NBPF9: variants seen among roughly 807,000 people sequenced by gnomAD.
NBPF9 encodes NBPF family member NBPF9.
NBPF9 carries 91 observed loss-of-function variants against 97.8 expected under a neutral mutation model. That is an observed-to-expected ratio of 0.93 (90% CI 0.79 to 1.11). The LOEUF is 1.11. Ranked by LOEUF, NBPF9 falls within the 50% of genes least tolerant of loss-of-function variation. The pLI, the probability that NBPF9 is intolerant of heterozygous loss-of-function variation, is 0.00. For missense variants in NBPF9, 992 were observed against 939.5 expected (o/e 1.06, Z -0.73); for synonymous variants, 334 against 359.5 (o/e 0.93, Z 0.80).
downstream of NBPF9, among the ~76,000 whole-genome samples, chr1:149,053,110 G>A (rs2078004253): frequency 1.9e-5 from 1 of 51,786 alleles, no homozygotes; most frequent in Admixed American, 2.6e-4. Context: ...CATAGATCAT[G>A]CCTGAGACCT....
At chr1:149,075,177 G>T (rs1307930530) in intron 12 of NBPF9, among the ~76,000 whole-genome samples, 2 of 151,744 alleles carry the variant, frequency 1.3e-5, no homozygotes, top group Non-Finnish European at 2.9e-5. Context: ...GACTCCTCTT[G>T]AAGCCCCTCA....
intron 5 of NBPF9, among the ~76,000 whole-genome samples, chr1:149,087,461 A>AT (rs1291096512): frequency 1.1e-3 from 157 of 143,140 alleles, no homozygotes; most frequent in South Asian, 8.6e-3. Flanking sequence ...TATATATTCC[A>AT]TTTTTTTTTT....
chr1:149,062,984 A>G (rs1448467305), intron 20 of NBPF9, 71 bp from the exon 21 acceptor site: 2 of 712,414 alleles, frequency 2.8e-6, no homozygotes, highest in East Asian at 5.1e-5. Flanking sequence ...CCACTGTCTA[A>G]TCCTCACACA....
chr1:149,079,327 A>G (rs1350033765), intron 8 of NBPF9, 106 bp from the exon 9 acceptor site: 7 of 1,205,138 alleles, frequency 5.8e-6, no homozygotes, highest in East Asian at 2.5e-5. Flanking sequence ...AGACCTTGAA[A>G]CAGAAGGTCA....
intron 29 of NBPF9, 76 bp from the exon 30 acceptor site, chr1:149,055,975 A>C (rs9424775): frequency 2.5e-5 from 41 of 1,611,434 alleles, no homozygotes; most frequent in South Asian, 7.7e-5. Flanking sequence ...TTTCAGAAGT[A>C]ACATAAGGAA....
At chr1:149,072,680 C>T in intron 14 of NBPF9, 38 bp downstream of exon 14, 2 of 1,608,222 alleles carry the variant, frequency 1.2e-6, no homozygotes, top group Admixed American at 1.7e-5. Flanking sequence ...TCTCATAAGC[C>T]TGGGGTTTTG....
intron 4 of NBPF9, among the ~76,000 whole-genome samples, chr1:149,096,063 T>A (rs1170001379): frequency 6.6e-6 from 1 of 152,050 alleles, no homozygotes; most frequent in Non-Finnish European, 1.5e-5. Flanking sequence ...TGAAAAGACG[T>A]GGAGGAACTT....
intron 5 of NBPF9, among the ~76,000 whole-genome samples, chr1:149,086,856 AAC>A (rs1217609627): frequency 6.6e-6 from 1 of 152,146 alleles, no homozygotes; most frequent in Non-Finnish European, 1.5e-5. Context: ...TTGGTCTGGA[AAC>A]ACACATACAG....
intron 5 of NBPF9, among the ~76,000 whole-genome samples, chr1:149,089,499 CAG>C (rs2081272152): frequency 6.6e-6 from 1 of 152,400 alleles, no homozygotes; most frequent in African/African-American, 2.4e-5. Context: ...AGTGTGCACA[CAG>C]GGGAGCCAGG....
chr1:149,090,609 A>C (rs2081353839), intron 5 of NBPF9, 144 bp downstream of exon 5: 1 of 625,380 alleles, frequency 1.6e-6, no homozygotes, highest in Non-Finnish European at 2.7e-6. Flanking sequence ...TTGTTCAACA[A>C]GGGACATCAT....
intron 26 of NBPF9, 114 bp from the exon 27 acceptor site, chr1:149,058,329 C>G: frequency 6.2e-6 from 3 of 482,552 alleles, no homozygotes; most frequent in Non-Finnish European, 1.1e-5. Context: ...GAGAACAGGA[C>G]AATGTGACAG....
At chr1:149,085,914 T>C (rs1471198627) in intron 5 of NBPF9, among the ~76,000 whole-genome samples, 1 of 151,568 alleles carries the variant, frequency 6.6e-6, no homozygotes, top group Non-Finnish European at 1.5e-5. Context: ...CCTTTGCAGT[T>C]CATCAGCCTT....
chr1:149,078,860 T>C, intron 9 of NBPF9, 147 bp downstream of exon 9: 1 of 1,419,288 alleles, frequency 7.0e-7, no homozygotes, highest in African/African-American at 1.4e-5. Flanking sequence ...ATCTCTGTTC[T>C]TACCCAGGAA....
intron 5 of NBPF9, among the ~76,000 whole-genome samples, chr1:149,088,271 C>T (rs1553659228): frequency 6.6e-6 from 1 of 152,230 alleles, no homozygotes; most frequent in Non-Finnish European, 1.5e-5. Context: ...CATTCTGCAA[C>T]ACTACCAAAC....
intron 7 of NBPF9, among the ~76,000 whole-genome samples, chr1:149,081,208 C>T (rs1305447444): frequency 2.0e-5 from 3 of 152,096 alleles, no homozygotes. Flanking sequence ...CAACATCTGC[C>T]TGCTGGGTTC....
chr1:149,070,962 T>C (rs1474068875), exon 16 of NBPF9: 3 of 1,612,620 alleles, frequency 1.9e-6, no homozygotes, highest in South Asian at 1.1e-5. Flanking sequence ...CATCTTCCCG[T>C]TCAACATGAG....
intron 3 of NBPF9, among the ~76,000 whole-genome samples, chr1:149,099,496 T>C (rs2152927021): frequency 6.6e-6 from 1 of 152,312 alleles, no homozygotes; most frequent in South Asian, 2.1e-4. Flanking sequence ...ATCTGTTTCA[T>C]GCCAGGCAAG....
At position 149,067,289 on chromosome 1, in the gene NBPF9, T is replaced by C. The variant is rs1369654787; in HGVS notation, c.1638-1600A>G. On this transcript the variant is annotated intron_variant, in intron 17 of 29. Transcript: ENST00000584027. ...CATATGTATAGTTTTCCTTTATTAT[T>C]TTTTGTGTGTATGTGTATATATATA... Among the ~76,000 whole-genome samples the C allele has an allele frequency of 3.4e-5, 4 of 119,014 alleles. 1 individual carries two copies. The allele number at this position is 119,014 out of a possible 152,430, so 78.1% of individuals were successfully genotyped here. A position where few individuals can be genotyped will look rare whatever the true frequency, so the allele number is the denominator to read the frequency against.
intron 19 of NBPF9, among the ~76,000 whole-genome samples, chr1:149,064,021 C>CAG (rs2078844777): frequency 8.4e-6 from 1 of 118,818 alleles, no homozygotes; most frequent in South Asian, 2.7e-4. Context: ...GACACAGACA[C>CAG]ACACACACAC....
Sources: gnomAD v4.1 joint callset for allele counts (sites outside exome capture counted in the v4.1 genomes callset) on GRCh38, gnomAD v4.1.1 for gene constraint, MANE v1.5 for transcripts, NCBI Gene and HGNC (gene_info 2026-07-23, HGNC 2026-07-21) for gene names.